SH3BGR: variants seen among roughly 807,000 people sequenced by gnomAD.
SH3BGR encodes SH3 domain binding glutamate rich protein.
In SH3BGR, 29 loss-of-function variants were observed where a neutral mutation model predicts 24.5. The ratio of observed to expected loss-of-function variants is 1.18; its 90% CI spans 0.88 to 1.61. The LOEUF (loss-of-function observed/expected upper bound fraction) is 1.61, where lower values mean the gene tolerates loss of function less well. SH3BGR is among the 40% of genes most tolerant of loss of function. The pLI, the probability that SH3BGR is intolerant of heterozygous loss-of-function variation, is 0.00. For synonymous variants in SH3BGR, 55 were observed against 65.7 expected, an observed-to-expected ratio of 0.84 and a Z score of 0.79; for missense variants, 162 against 205.8, an observed-to-expected ratio of 0.79 and a Z score of 1.30.
intron 1 of SH3BGR, among the ~76,000 whole-genome samples, chr21:39,459,412 A>G (rs764437844): frequency 6.6e-6 from 1 of 152,134 alleles, no homozygotes; most frequent in Non-Finnish European, 1.5e-5. Context: ...TTTAGTAGAG[A>G]CAGGGTTTCA....
chr21:39,507,022 G>A (rs1469225211), intron 4 of SH3BGR, among the ~76,000 whole-genome samples: 1 of 152,144 alleles, frequency 6.6e-6, no homozygotes, highest in Non-Finnish European at 1.5e-5. Context: ...AAAGAGGCAC[G>A]ATCAACACGT....
At chr21:39,514,750 C>T (rs2123587905) in intron 6 of SH3BGR, among the ~76,000 whole-genome samples, 1 of 152,302 alleles carries the variant, frequency 6.6e-6, no homozygotes, top group East Asian at 1.9e-4. Context: ...CACTTAATAC[C>T]TTCTTCTGGT....
At chr21:39,508,620 A>G (rs2123547633) in intron 4 of SH3BGR, among the ~76,000 whole-genome samples, 1 of 152,382 alleles carries the variant, frequency 6.6e-6, no homozygotes, top group Non-Finnish European at 1.5e-5. Flanking sequence ...GTCAGAAAAG[A>G]CATTTTTGTT....
chr21:39,510,280 T>C (rs554978324), intron 5 of SH3BGR, among the ~76,000 whole-genome samples: 1 of 152,212 alleles, frequency 6.6e-6, no homozygotes, highest in Admixed American at 6.5e-5. Flanking sequence ...ATGATCTTTA[T>C]AGAAAATTTA....
chr21:39,470,850 C>CT (rs2077926849), intron 2 of SH3BGR, among the ~76,000 whole-genome samples: 1 of 151,796 alleles, frequency 6.6e-6, no homozygotes. Flanking sequence ...GGTAACTTCT[C>CT]TAAGTTTTTG....
At chr21:39,474,027 G>T in intron 2 of SH3BGR, among the ~76,000 whole-genome samples, 1 of 152,072 alleles carries the variant, frequency 6.6e-6, no homozygotes, top group East Asian at 1.9e-4. Flanking sequence ...GAGTGTAGTG[G>T]CACAATCACA....
chr21:39,455,455 A>G (rs570283852), intron 1 of SH3BGR, among the ~76,000 whole-genome samples: 5 of 152,334 alleles, frequency 3.3e-5, no homozygotes, highest in East Asian at 1.9e-4. Context: ...TGTGTCCATG[A>G]TGGGAACTGA....
In SH3BGR at chr21:39,511,962, T is replaced by C. The variant is rs1420148549; in HGVS notation, c.*34+153T>C. Among the ~76,000 whole-genome samples the C allele has an allele frequency of 6.6e-6, 1 of 152,182 alleles. No homozygotes were observed. The highest frequency in any genetic ancestry group is 1.5e-5 in the Non-Finnish European group (1 of 68,034). Reference sequence around the variant, plus strand: ...TGGTCTGCACACCTTTCTGGCGGGGTCCAGCTCCTTTCTAGAGCTGCGGGG... The same window carrying C: ...TGGTCTGCACACCTTTCTGGCGGGGCCCAGCTCCTTTCTAGAGCTGCGGGG... On this transcript the variant is annotated intron_variant, in intron 6 of 6. Transcript: ENST00000333634. This position sits in a 1 kb window ranked among gnomAD's most constrained non-coding sequence, Gnocchi z 4.2.
chr21:39,485,061 AG>A (rs2078187928), intron 3 of SH3BGR, among the ~76,000 whole-genome samples: 1 of 152,234 alleles, frequency 6.6e-6, no homozygotes, highest in Non-Finnish European at 1.5e-5. Context: ...AGGCTGTTCT[AG>A]GCCAAGGACC....
At chr21:39,479,190 C>G (rs760783365) in intron 3 of SH3BGR, among the ~76,000 whole-genome samples, 4 of 148,288 alleles carry the variant, frequency 2.7e-5, no homozygotes, top group Non-Finnish European at 5.9e-5. Context: ...GGCAACATAA[C>G]GAGGCTATGT....
At position 39,452,014 on chromosome 21, in the gene SH3BGR, GC is replaced by G. The variant is rs756166220; in HGVS notation, c.-81del. The G allele has an allele frequency of 6.2e-6, 10 of 1,614,076 alleles. No individual in the cohort carries two copies. The highest frequency in any genetic ancestry group is 1.6e-4 in the Middle Eastern group (1 of 6,084). ...GCCAGCCCCGACCTGGCACTTGCTT[GC>G]CTGTGTCACTGTCAGGATTTGTCTA... On this transcript the variant is annotated 5_prime_UTR_variant, in exon 1 of 7. Transcript: ENST00000333634.
intron 1 of SH3BGR, among the ~76,000 whole-genome samples, chr21:39,453,831 G>T (rs769238139): frequency 6.6e-6 from 1 of 152,338 alleles, no homozygotes; most frequent in African/African-American, 2.4e-5. Flanking sequence ...AATGATGTGC[G>T]TGGGTGCCCC....
chr21:39,457,349 TAC>T lies in SH3BGR; in HGVS notation c.46-5024_46-5023del, dbSNP rs574439715. Among the ~76,000 whole-genome samples, 1,230 of 142,208 alleles carry T rather than the reference TAC, an allele frequency of 8.6e-3. 23 individuals are homozygous for T. Among genetic ancestry groups the T allele is most frequent in the Non-Finnish European group, 0.012 (804 of 65,568 alleles). 93.3% of individuals were successfully genotyped at this position (142,208 alleles called of 152,430 possible). On this transcript the variant is annotated intron_variant, in intron 1 of 6. Coordinates refer to ENST00000333634, the MANE Select transcript of SH3BGR (RefSeq NM_007341.3). ...ATAAGATTATTATATATTATATAGT[TAC>T]ATCTATAAATCTTATATATAAGATT... is the stretch of plus-strand genomic sequence containing the variant.
chr21:39,458,573 G>C (rs554911715), intron 1 of SH3BGR, among the ~76,000 whole-genome samples: 143 of 151,612 alleles, frequency 9.4e-4, no homozygotes, highest in Non-Finnish European at 1.5e-3. Context: ...CCTGACCTCA[G>C]GTGATCCACC....
chr21:39,451,483 A>G (rs2077573098), upstream of SH3BGR, among the ~76,000 whole-genome samples: 1 of 152,198 alleles, frequency 6.6e-6, no homozygotes, highest in Admixed American at 6.5e-5. Flanking sequence ...AGGCATTTCT[A>G]TTGTATGACA....
chr21:39,467,680 G>A lies in SH3BGR; in HGVS notation c.231+5120G>A, dbSNP rs2077866458. Among the ~76,000 whole-genome samples the A allele has an allele frequency of 2.6e-5, 4 of 152,172 alleles. No individual in the cohort carries two copies. In the South Asian group the frequency reaches 8.3e-4, roughly 32 times the overall value. The stretch of plus-strand genomic sequence containing the variant: ...TAAAATGTATATAACTATTATTTAA[G>A]TGGTCTCCCTGGCTTCTGAAGATTC... On this transcript the variant is annotated intron_variant, in intron 2 of 6. Coordinates refer to ENST00000333634, the MANE Select transcript of SH3BGR (RefSeq NM_007341.3).
At chr21:39,462,290 T>A (rs1180346571) in intron 1 of SH3BGR, 85 bp from the exon 2 acceptor site, 2 of 933,464 alleles carry the variant, frequency 2.1e-6, no homozygotes, top group Non-Finnish European at 3.3e-6. Context: ...TGTTGTATAG[T>A]ATAACTAGAG....
intron 2 of SH3BGR, among the ~76,000 whole-genome samples, chr21:39,471,599 GTTGT>G (rs58343213): frequency 0.39 from 58,709 of 151,018 alleles, 12,512 homozygotes; most frequent in African/African-American, 0.56. Flanking sequence ...TAGATTATTT[GTTGT>G]TTGTTTGTTT....
At chr21:39,483,924 A>G (rs893646131) in intron 3 of SH3BGR, among the ~76,000 whole-genome samples, 2 of 152,226 alleles carry the variant, frequency 1.3e-5, no homozygotes, top group East Asian at 3.9e-4. Flanking sequence ...GTGGAAAAAG[A>G]TAGTCAAGAC....
Sources: gnomAD v4.1 joint callset for allele counts (sites outside exome capture counted in the v4.1 genomes callset) on GRCh38, gnomAD v4.1.1 for gene constraint, Gnocchi (gnomAD v3.1) non-coding constraint, MANE v1.5 for transcripts, NCBI Gene and HGNC (gene_info 2026-07-23, HGNC 2026-07-21) for gene names.